Variants in CAMK1D observed in about 807,000 individuals in gnomAD.
CAMK1D encodes calcium/calmodulin dependent protein kinase ID, also known as calcium/calmodulin-dependent protein kinase type 1D.
Under a neutral mutation model 47.7 loss-of-function variants are expected in CAMK1D, and 9 were observed. The observed-to-expected ratio is 0.19, with a 90% CI of 0.11 to 0.33. The LOEUF is 0.33. Among genes scored for constraint, CAMK1D ranks in the 10% least tolerant of loss-of-function variants. The pLI, the probability that CAMK1D is intolerant of heterozygous loss-of-function variation, is 1.00. For synonymous variants in CAMK1D, 184 were observed against 184.9 expected (o/e 0.99, Z 0.04); for missense variants, 291 against 488.7 (o/e 0.60, Z 3.81).
At chr10:12,474,261 C>T (rs1833836120) in intron 1 of CAMK1D, among the ~76,000 whole-genome samples, 1 of 143,822 alleles carries the variant, frequency 7.0e-6, no homozygotes, top group African/African-American at 2.6e-5. Flanking sequence ...TGCAGTGGTG[C>T]AATCTCGGCT....
intron 1 of CAMK1D, among the ~76,000 whole-genome samples, chr10:12,541,805 G>A (rs1836190775): frequency 6.7e-6 from 1 of 150,288 alleles, no homozygotes; most frequent in Non-Finnish European, 1.5e-5. Context: ...ACGGTCTCAA[G>A]CCAAGTACCA....
chr10:12,555,421 T>G lies in CAMK1D; in HGVS notation c.224+2065T>G, dbSNP rs139051437. 1.1e-3 allele frequency among the ~76,000 whole-genome samples: 173 copies of G among 152,328 alleles called. 1 individual carries two copies. Among genetic ancestry groups the G allele is most frequent in the African/African-American group, 4.1e-3 (169 of 41,578 alleles). On this transcript the variant is annotated intron_variant, in intron 2 of 10. Transcript: ENST00000619168. ...AGCTTAAGGGTTTTGCTTATTTGTT[T>G]GGTAGTTTGGTCGTTTCTAGGTTCT...
At chr10:12,755,406 C>A (rs1173938831) in intron 3 of CAMK1D, among the ~76,000 whole-genome samples, 1 of 152,222 alleles carries the variant, frequency 6.6e-6, no homozygotes, top group African/African-American at 2.4e-5. Context: ...AACTAACTTT[C>A]TCCAAGCCAG....
At position 12,812,197 on chromosome 10, in the gene CAMK1D, C is replaced by CATTA. The variant is rs556795468; in HGVS notation, c.642-1998_642-1997insATTA. On this transcript the variant is annotated intron_variant, in intron 6 of 10. Coordinates refer to ENST00000619168, the MANE Select transcript of CAMK1D (RefSeq NM_153498.4). ...ATTTCTTGTGTGCTGACAGCCTAAT[C>CATTA]CCTCGCAGTCCTGCGCTCTGTTGTT... 4.6e-5 allele frequency among the ~76,000 whole-genome samples: 7 copies of CATTA among 152,350 alleles called. No homozygotes were observed. The South Asian group carries it at 1.4e-3, about 32-fold the overall frequency.
chr10:12,722,990 G>A (rs1834462878), intron 3 of CAMK1D, among the ~76,000 whole-genome samples: 1 of 152,168 alleles, frequency 6.6e-6, no homozygotes, highest in Middle Eastern at 3.2e-3. Context: ...TGGAATTTGA[G>A]TGTAGATGGG....
intron 1 of CAMK1D, among the ~76,000 whole-genome samples, chr10:12,477,144 G>A (rs546742612): frequency 7.9e-5 from 12 of 152,082 alleles, no homozygotes; most frequent in Non-Finnish European, 1.5e-4. Flanking sequence ...GGCTAGGTGC[G>A]GTGGCTCACA....
At chr10:12,622,487 C>T (rs568958909) in intron 2 of CAMK1D, among the ~76,000 whole-genome samples, 1 of 152,140 alleles carries the variant, frequency 6.6e-6, no homozygotes, top group African/African-American at 2.4e-5. Context: ...CTAATCCCAT[C>T]TCTCCACCTG....
At position 12,511,713 on chromosome 10, in the gene CAMK1D, C is replaced by G. The variant is rs188692718; in HGVS notation, c.93-41512C>G. Among the ~76,000 whole-genome samples the G allele has an allele frequency of 4.1e-4, 62 of 152,388 alleles. No individual in the cohort carries two copies. The East Asian group carries it at 8.1e-3, about 20-fold the overall frequency. On this transcript the variant is annotated intron_variant, in intron 1 of 10. Coordinates refer to ENST00000619168, the MANE Select transcript of CAMK1D (RefSeq NM_153498.4). ...TGCCCAGACATTGTTTATTTGTTTGCTTTAAATCAGTCCCTTGGGTGATTC... is the reference window on the plus strand; with the variant it reads ...TGCCCAGACATTGTTTATTTGTTTGGTTTAAATCAGTCCCTTGGGTGATTC...
intron 6 of CAMK1D, among the ~76,000 whole-genome samples, chr10:12,792,360 C>T (rs985488548): frequency 6.6e-6 from 1 of 152,196 alleles, no homozygotes; most frequent in Non-Finnish European, 1.5e-5. Flanking sequence ...ACAAGTTATA[C>T]TTTCAAATGC....
intron 7 of CAMK1D, among the ~76,000 whole-genome samples, chr10:12,815,587 C>T (rs1337512830): frequency 6.6e-6 from 1 of 152,268 alleles, no homozygotes; most frequent in African/African-American, 2.4e-5. Context: ...GGGCCGCACC[C>T]TGCAGTGCAG....
At chr10:12,392,014 CACAA>C (rs1177298899) in intron 1 of CAMK1D, among the ~76,000 whole-genome samples, 50 of 147,314 alleles carry the variant, frequency 3.4e-4, no homozygotes, top group African/African-American at 1.0e-3. Context: ...CACACACACA[CACAA>C]ACAGTCTGGG....
At chr10:12,679,288 G>A (rs1246933431) in intron 3 of CAMK1D, among the ~76,000 whole-genome samples, 1 of 152,160 alleles carries the variant, frequency 6.6e-6, no homozygotes, top group East Asian at 1.9e-4. Context: ...TACATTAAGA[G>A]TCTGTTCATC....
chr10:12,675,023 T>TC (rs1166400044), intron 3 of CAMK1D, among the ~76,000 whole-genome samples: 1 of 115,582 alleles, frequency 8.7e-6, no homozygotes, highest in Non-Finnish European at 1.6e-5. Context: ...AGAGCGAGAC[T>TC]CCATCTCAAA....
In CAMK1D at chr10:12,641,611, C is replaced by T. The variant is rs549330832; in HGVS notation, c.225-25125C>T. Among the ~76,000 whole-genome samples the T allele has an allele frequency of 1.4e-3, 207 of 148,388 alleles. 1 individual carries two copies. Among genetic ancestry groups the T allele is most frequent in the Middle Eastern group, 0.01 (3 of 292 alleles). Reference sequence around the variant, plus strand: ...TCCAGCCTGGGTGGCAGAGTGAGATCCCCATCTCAAAAAAAAAAAGCAAAG... The same window carrying T: ...TCCAGCCTGGGTGGCAGAGTGAGATTCCCATCTCAAAAAAAAAAAGCAAAG... On this transcript the variant is annotated intron_variant, in intron 2 of 10. Transcript: ENST00000619168.
chr10:12,806,112 C>G (rs549516266), intron 6 of CAMK1D, among the ~76,000 whole-genome samples: 17 of 152,282 alleles, frequency 1.1e-4, no homozygotes, highest in Non-Finnish European at 2.2e-4. Context: ...GCCCTGGGCA[C>G]AGAGAACGGT....
In CAMK1D at chr10:12,829,262, T is replaced by G. The variant is rs1468253442; in HGVS notation, c.*375T>G. 6.0e-6 allele frequency: 1 copy of G among 165,428 alleles called. No homozygotes were observed. Among genetic ancestry groups the G allele is most frequent in the African/African-American group, 2.4e-5 (1 of 41,978 alleles). The allele number at this position is 165,428 out of a possible 1,614,324, so 10.2% of individuals were successfully genotyped here. A position where few individuals can be genotyped will look rare whatever the true frequency, so the allele number is the denominator to read the frequency against. ...AAAAAAAAAAAGGTTTCAACTGGAT[T>G]ATTTAAATATTGGTAAATATTGTGC... On this transcript the variant is annotated 3_prime_UTR_variant, in exon 11 of 11. Transcript: ENST00000619168.
chr10:12,726,709 TG>T (rs1834657189), intron 3 of CAMK1D, among the ~76,000 whole-genome samples: 1 of 152,236 alleles, frequency 6.6e-6, no homozygotes, highest in South Asian at 2.1e-4. Context: ...AACTGAGACT[TG>T]GAGACATGGT....
intron 1 of CAMK1D, among the ~76,000 whole-genome samples, chr10:12,375,572 A>G (rs777618690): frequency 2.5e-4 from 38 of 152,016 alleles, no homozygotes; most frequent in Non-Finnish European, 4.9e-4. Flanking sequence ...TGCTGCTGGT[A>G]CTCCAAAAAA....
chr10:12,785,457 A>G (rs947372696), intron 5 of CAMK1D, among the ~76,000 whole-genome samples: 5 of 152,128 alleles, frequency 3.3e-5, no homozygotes, highest in Admixed American at 1.3e-4. Flanking sequence ...CCCCAATCAC[A>G]CGTGAATTCT....
Sources: gnomAD v4.1 joint callset for allele counts (sites outside exome capture counted in the v4.1 genomes callset) on GRCh38, gnomAD v4.1.1 for gene constraint, MANE v1.5 for transcripts, NCBI Gene and HGNC (gene_info 2026-07-23, HGNC 2026-07-21) for gene names.